PAPSS1: variants seen among roughly 807,000 people sequenced by gnomAD.
PAPSS1 encodes 3'-phosphoadenosine 5'-phosphosulfate synthase 1, also known as bifunctional 3'-phosphoadenosine 5'-phosphosulfate synthase 1.
PAPSS1 carries 50 observed loss-of-function variants against 72.0 expected under a neutral mutation model. That is an observed-to-expected ratio of 0.69 (90% CI 0.55 to 0.88). The LOEUF (loss-of-function observed/expected upper bound fraction) is 0.88, where lower values mean the gene tolerates loss of function less well. Ranked by LOEUF, PAPSS1 falls within the 40% of genes least tolerant of loss-of-function variation. The pLI, the probability that PAPSS1 is intolerant of heterozygous loss-of-function variation, is 0.00. For missense variants in PAPSS1, 657 were observed against 782.2 expected (o/e 0.84, Z 1.91); for synonymous variants, 261 against 263.6 (o/e 0.99, Z 0.09).
chr4:107,656,842 A>C (rs1727024319), intron 7 of PAPSS1, 54 bp downstream of exon 7: 1 of 1,215,638 alleles, frequency 8.2e-7, no homozygotes, highest in African/African-American at 1.5e-5. Context: ...AATCTCTGCA[A>C]CTATGTAATT....
At chr4:107,694,151 A>C (rs967124153) in intron 2 of PAPSS1, 145 bp from the exon 3 acceptor site, 6 of 607,640 alleles carry the variant, frequency 9.9e-6, no homozygotes, top group Non-Finnish European at 1.7e-5. Context: ...GCAGCCTCAA[A>C]CTCCTGGACT....
At chr4:107,631,973 C>A in intron 10 of PAPSS1, 113 bp from the exon 11 acceptor site, 1 of 730,388 alleles carries the variant, frequency 1.4e-6, no homozygotes, top group Non-Finnish European at 2.2e-6. Context: ...GGTAGGAAAT[C>A]TCAACAAATT....
chr4:107,687,247 T>A, intron 3 of PAPSS1, 70 bp from the exon 4 acceptor site: 26 of 973,856 alleles, frequency 2.7e-5, no homozygotes, highest in African/African-American at 3.5e-5. Context: ...TAAAGATGAG[T>A]AAAAAGTGCT....
chr4:107,660,128 C>T (rs935959348), intron 5 of PAPSS1, 56 bp from the exon 6 acceptor site: 2 of 882,722 alleles, frequency 2.3e-6, no homozygotes, highest in African/African-American at 3.5e-5. Context: ...TAGAGTTCAC[C>T]AAAGGGTATC....
At chr4:107,674,286 C>A (rs1264189466) in intron 5 of PAPSS1, among the ~76,000 whole-genome samples, 1 of 152,088 alleles carries the variant, frequency 6.6e-6, no homozygotes, top group African/African-American at 2.4e-5. Flanking sequence ...ATTCAGGAAA[C>A]CCATCTCACG....
chr4:107,647,459 T>C (rs1726725423), intron 9 of PAPSS1, among the ~76,000 whole-genome samples: 1 of 152,176 alleles, frequency 6.6e-6, no homozygotes, highest in Non-Finnish European at 1.5e-5. Flanking sequence ...ATTTAAGTGG[T>C]CCTTACCTCT....
chr4:107,713,086 A>G (rs912456742), intron 1 of PAPSS1, among the ~76,000 whole-genome samples: 170 of 152,006 alleles, frequency 1.1e-3, no homozygotes, highest in African/African-American at 4.0e-3. Context: ...AGCTGGGATT[A>G]CAGGCACATG....
intron 10 of PAPSS1, among the ~76,000 whole-genome samples, chr4:107,640,890 C>T (rs1040138980): frequency 5.8e-4 from 89 of 152,308 alleles, no homozygotes; most frequent in African/African-American, 2.0e-3. Context: ...ACAGCTTTAA[C>T]GTGCCTCTTA....
chr4:107,624,345 ATC>A (rs1156499820), intron 11 of PAPSS1, among the ~76,000 whole-genome samples: 3 of 152,218 alleles, frequency 2.0e-5, no homozygotes, highest in Admixed American at 2.0e-4. Flanking sequence ...AGTACTTACC[ATC>A]TTCAATTGTA....
chr4:107,644,853 C>A lies in PAPSS1; in HGVS notation c.1455G>T (p.Thr485=). The A allele has an allele frequency of 6.2e-7, 1 of 1,613,748 alleles. No individual in the cohort carries two copies. The highest frequency in any genetic ancestry group is 8.5e-7 in the Non-Finnish European group (1 of 1,179,808). ...GAGATGGGAAGATGGCCACCACTGT[C>A]GTCTCAGGATTCAGAACTCCTTCCT... The part of the protein sequence containing the change: ...VLEEGVLNPE[T]TVVAIFPSPM... Residue 485 remains threonine (T), a synonymous_variant, in exon 10 of 12, where the codon ACG becomes ACT. Transcript: ENST00000265174.
At chr4:107,694,450 T>C (rs542312697) in intron 2 of PAPSS1, among the ~76,000 whole-genome samples, 1 of 152,342 alleles carries the variant, frequency 6.6e-6, no homozygotes, top group East Asian at 1.9e-4. Flanking sequence ...TAATGAAATA[T>C]CTATGAGCAA....
intron 10 of PAPSS1, among the ~76,000 whole-genome samples, chr4:107,643,433 A>G (rs1340570893): frequency 2.0e-5 from 3 of 152,264 alleles, no homozygotes; most frequent in East Asian, 1.9e-4. Flanking sequence ...AGAGCTCTCC[A>G]TGGACTCAAT....
At chr4:107,668,643 A>G (rs1348881302) in intron 5 of PAPSS1, among the ~76,000 whole-genome samples, 3 of 152,070 alleles carry the variant, frequency 2.0e-5, no homozygotes, top group Admixed American at 6.6e-5. Context: ...CCGGTGCTGG[A>G]TGCTTCCTGC....
chr4:107,625,159 G>C (rs966156236), intron 11 of PAPSS1, among the ~76,000 whole-genome samples: 1 of 152,110 alleles, frequency 6.6e-6, no homozygotes, highest in East Asian at 1.9e-4. Context: ...AAAGAAGCAA[G>C]AAATCTAAGT....
intron 3 of PAPSS1, 74 bp downstream of exon 3, chr4:107,693,696 TA>T (rs1722998793): frequency 2.0e-6 from 2 of 1,021,256 alleles, no homozygotes; most frequent in East Asian, 2.4e-5. Flanking sequence ...TATCAATGTT[TA>T]AAGTATGTGC....
chr4:107,616,604 C>T (rs1269081737), intron 11 of PAPSS1, among the ~76,000 whole-genome samples: 3 of 152,074 alleles, frequency 2.0e-5, no homozygotes, highest in African/African-American at 7.2e-5. Flanking sequence ...ATTCATAGAC[C>T]TTAATAAGTG....
intron 4 of PAPSS1, among the ~76,000 whole-genome samples, chr4:107,686,006 G>A (rs1722774507): frequency 6.6e-6 from 1 of 152,128 alleles, no homozygotes. Flanking sequence ...TTTTGTTTTT[G>A]TTTTGTTTTT....
At chr4:107,669,442 A>T (rs1727413519) in intron 5 of PAPSS1, among the ~76,000 whole-genome samples, 1 of 152,232 alleles carries the variant, frequency 6.6e-6, no homozygotes, top group African/African-American at 2.4e-5. Flanking sequence ...AAATGAATCT[A>T]TATATGCTCA....
In PAPSS1 at chr4:107,653,435, G is replaced by C. The variant is rs188971517; in HGVS notation, c.1237+56C>G. The C allele has an allele frequency of 2.6e-6, 4 of 1,533,982 alleles. No homozygotes were observed. The African/African-American group carries it at 5.5e-5, about 21-fold the overall frequency. ...ATTTTCGTAAGCACTGGAAAAAATCGTCTAGAACTTTCTCTCCAAGCCGGC... is the reference window on the plus strand; with the variant it reads ...ATTTTCGTAAGCACTGGAAAAAATCCTCTAGAACTTTCTCTCCAAGCCGGC... On this transcript the variant is annotated intron_variant, in intron 9 of 11. Transcript: ENST00000265174.
Sources: allele counts gnomAD v4.1 joint callset (sites outside exome capture counted in the v4.1 genomes callset), GRCh38; gene constraint gnomAD v4.1.1; transcripts MANE v1.5; gene names NCBI Gene and HGNC (gene_info 2026-07-23, HGNC 2026-07-21).